The following CEP43 variants were observed in gnomAD, a reference collection of about 807,000 sequenced individuals.
CEP43 encodes the protein FGFR1 oncogene partner.
CEP43 carries 36 observed loss-of-function variants against 52.6 expected under a neutral mutation model. The ratio of observed to expected loss-of-function variants is 0.68; its 90% confidence interval spans 0.52 to 0.90. CEP43 has a LOEUF of 0.90. CEP43 is among the 40% of genes least tolerant of loss of function. The pLI is 0.00. For synonymous variants in CEP43, 192 were observed against 172.4 expected (o/e 1.11, Z -0.89); for missense variants, 506 against 472.8 (o/e 1.07, Z -0.65).
chr6:167,018,335 T>C (rs1296203937), intron 7 of CEP43, among the ~76,000 whole-genome samples: 3 of 152,204 alleles, frequency 2.0e-5, no homozygotes, highest in African/African-American at 7.2e-5. Context: ...GTTTGACCCA[T>C]AACTTTTGTG....
intron 7 of CEP43, among the ~76,000 whole-genome samples, chr6:167,020,908 C>CAA (rs147460349): frequency 3.2e-4 from 25 of 79,024 alleles, no homozygotes; most frequent in South Asian, 5.8e-4. Context: ...GACTCTGTCT[C>CAA]AAAAAAAAAA....
Position 167,047,527 on chromosome 6 carries a change from A to G in CEP43, c.*7549A>G, listed in dbSNP as rs1245058319. On this transcript the variant is annotated 3_prime_UTR_variant, in exon 13 of 13. Transcript: ENST00000366847. The stretch of plus-strand genomic sequence containing the variant: ...AGCTTAGCATTGTTCTTGGCAAGTC[A>G]CTAGTACTCAGTAAATACTATTTTT... 1 of 152,176 alleles carries G rather than the reference A, an allele frequency of 6.6e-6. No individual in the cohort carries two copies. The highest frequency in any genetic ancestry group is 6.5e-5 in the Admixed American group (1 of 15,284). 9.4% of individuals were successfully genotyped at this position (152,176 alleles called of 1,614,324 possible).
chr6:167,032,683 A>G (rs747123255), intron 11 of CEP43, 41 bp downstream of exon 11: 1 of 1,479,526 alleles, frequency 6.8e-7, no homozygotes, highest in Non-Finnish European at 9.1e-7. Context: ...TATATACGTT[A>G]TTTGTAAACA....
At position 167,010,655 on chromosome 6, in the gene CEP43, A is replaced by G. The variant is rs112852563; in HGVS notation, c.439-158A>G. ...ATGTGTAGAAGGTTTTTGAGGGGGT[A>G]AAATTAGAGGAAAATCTAAAAAGGA... On this transcript the variant is annotated intron_variant, in intron 5 of 12. Transcript: ENST00000366847. Among the ~76,000 whole-genome samples the G allele has an allele frequency of 3.9e-5, 6 of 152,364 alleles. 1 individual carries two copies. Among genetic ancestry groups the G allele is most frequent in the African/African-American group, 1.4e-4 (6 of 41,582 alleles).
chr6:167,021,802 A>T (rs1780237677), intron 7 of CEP43, among the ~76,000 whole-genome samples: 1 of 152,132 alleles, frequency 6.6e-6, no homozygotes, highest in African/African-American at 2.4e-5. Context: ...AATTGAGATA[A>T]TTACTTTGAT....
intron 7 of CEP43, among the ~76,000 whole-genome samples, chr6:167,019,149 A>T (rs1021821525): frequency 6.6e-6 from 1 of 152,154 alleles, no homozygotes; most frequent in East Asian, 1.9e-4. Flanking sequence ...CCTCATGTTT[A>T]TGAAGTGCCC....
At chr6:167,003,594 A>G (rs1779786586) in intron 3 of CEP43, 129 bp from the exon 4 acceptor site, 1 of 609,198 alleles carries the variant, frequency 1.6e-6, no homozygotes, top group Non-Finnish European at 2.9e-6. Flanking sequence ...TTATTCAAAG[A>G]GGAAATTTGT....
intron 12 of CEP43, among the ~76,000 whole-genome samples, chr6:167,039,607 G>A (rs944642401): frequency 1.3e-5 from 2 of 152,084 alleles, no homozygotes; most frequent in Admixed American, 6.5e-5. Context: ...CTTTTCCTCT[G>A]GGTAGATACC....
chr6:167,037,774 C>T (rs1218689494), intron 12 of CEP43, among the ~76,000 whole-genome samples: 2 of 152,188 alleles, frequency 1.3e-5, no homozygotes, highest in African/African-American at 2.4e-5. Flanking sequence ...TATTCTTGTG[C>T]GTTATTACCT....
At chr6:167,031,537 G>C (rs1449617198) in intron 10 of CEP43, among the ~76,000 whole-genome samples, 1 of 152,210 alleles carries the variant, frequency 6.6e-6, no homozygotes, top group Non-Finnish European at 1.5e-5. Context: ...TTGTCTAACT[G>C]TCTGGACAGA....
chr6:167,039,012 C>T (rs1227030193), intron 12 of CEP43, among the ~76,000 whole-genome samples: 1 of 152,180 alleles, frequency 6.6e-6, no homozygotes, highest in East Asian at 1.9e-4. Context: ...ATTGCATCCT[C>T]ATAACTTAGC....
At chr6:167,004,520 A>G in intron 5 of CEP43, 119 bp downstream of exon 5, 1 of 782,556 alleles carries the variant, frequency 1.3e-6, no homozygotes, top group South Asian at 3.2e-5. Flanking sequence ...TTCCTTAAAA[A>G]CAAAATGAGA....
chr6:167,027,802 C>A, intron 10 of CEP43: 1 of 853,776 alleles, frequency 1.2e-6, no homozygotes. Context: ...AGTACAGTGG[C>A]TGGCATGGTA....
rs569608263 is a variant in CEP43, at chr6:167,041,039, G to A, written c.*1061G>A. On this transcript the variant is annotated 3_prime_UTR_variant, in exon 13 of 13. Coordinates refer to ENST00000366847, the MANE Select transcript of CEP43 (RefSeq NM_007045.4). ...AGTAGAAAAAACAGTAGAAAGTGATGCATGCATATTTATATATAAGTAAAG... is the reference window on the plus strand; with the variant it reads ...AGTAGAAAAAACAGTAGAAAGTGATACATGCATATTTATATATAAGTAAAG... 6.8e-6 allele frequency: 7 copies of A among 1,029,976 alleles called. No individual in the cohort carries two copies. In the African/African-American group the frequency reaches 1.2e-4, roughly 17 times the overall value. 63.8% of individuals were successfully genotyped at this position (1,029,976 alleles called of 1,614,324 possible).
chr6:167,026,194 C>A (rs1350571089), intron 9 of CEP43, among the ~76,000 whole-genome samples: 1 of 152,142 alleles, frequency 6.6e-6, no homozygotes, highest in East Asian at 1.9e-4. Context: ...GAAACCCTGT[C>A]TCTACTAAAA....
chr6:167,033,199 C>A (rs1780511406), intron 11 of CEP43, among the ~76,000 whole-genome samples: 1 of 147,478 alleles, frequency 6.8e-6, no homozygotes, highest in Non-Finnish European at 1.5e-5. Context: ...CAACCTCCTT[C>A]TCCCGGGTTC....
At chr6:167,001,700 C>G (rs140850421) in intron 2 of CEP43, among the ~76,000 whole-genome samples, 67 of 152,322 alleles carry the variant, frequency 4.4e-4, no homozygotes, top group African/African-American at 1.6e-3. Flanking sequence ...TTTCCACCTG[C>G]TCAGCCATCA....
chr6:167,003,924 T>C, intron 4 of CEP43, 113 bp downstream of exon 4: 1 of 708,604 alleles, frequency 1.4e-6, no homozygotes, highest in Non-Finnish European at 2.3e-6. Flanking sequence ...ATTTAGATTA[T>C]TTTTGGTAGT....
In CEP43 at chr6:167,040,729, T is replaced by A; in HGVS notation, c.*751T>A. On this transcript the variant is annotated 3_prime_UTR_variant, in exon 13 of 13. Coordinates refer to ENST00000366847, the MANE Select transcript of CEP43 (RefSeq NM_007045.4). ...GTTCTCTTCATTATAATTTATTATC[T>A]GTAAAGATTCCTTGAAACTTAAATG... The A allele has an allele frequency of 2.2e-6, 2 of 925,490 alleles. No individual in the cohort carries two copies. Among genetic ancestry groups the A allele is most frequent in the Non-Finnish European group, 2.6e-6 (2 of 762,810 alleles). The allele number at this position is 925,490 out of a possible 1,614,324, so 57.3% of individuals were successfully genotyped here. A position where few individuals can be genotyped will look rare whatever the true frequency, so the allele number is the denominator to read the frequency against.
Sources: allele counts gnomAD v4.1 joint callset (sites outside exome capture counted in the v4.1 genomes callset), GRCh38; gene constraint gnomAD v4.1.1; transcripts MANE v1.5; gene names NCBI Gene and HGNC (gene_info 2026-07-23, HGNC 2026-07-21).